Variants in STIM2 observed in about 807,000 individuals in gnomAD.
The protein encoded by STIM2 is stromal interaction molecule 2.
A neutral mutation model predicts 85.8 loss-of-function variants in STIM2; 31 were observed. The observed-to-expected ratio is 0.36, with a 90% CI of 0.27 to 0.49. The LOEUF is 0.49. Among genes scored for constraint, STIM2 ranks in the 20% least tolerant of loss-of-function variants. The pLI is 0.98. For synonymous variants in STIM2, 356 were observed against 331.1 expected (o/e 1.08, Z -0.82); for missense variants, 841 against 927.6 (o/e 0.91, Z 1.21).
intron 4 of STIM2, among the ~76,000 whole-genome samples, chr4:26,998,589 G>A (rs1728040181): frequency 6.6e-6 from 1 of 152,092 alleles, no homozygotes. Flanking sequence ...AGGATAATAA[G>A]TGACAGAAGT....
intron 3 of STIM2, among the ~76,000 whole-genome samples, chr4:26,961,010 G>A (rs1245927349): frequency 6.3e-5 from 9 of 142,014 alleles, no homozygotes; most frequent in Non-Finnish European, 1.2e-4. Flanking sequence ...ACTGCACTCC[G>A]TCTCAAAAAA....
At chr4:26,889,138 T>C (rs1723369122) in intron 1 of STIM2, among the ~76,000 whole-genome samples, 1 of 152,250 alleles carries the variant, frequency 6.6e-6, no homozygotes, top group South Asian at 2.1e-4. Flanking sequence ...GCCCCACTCT[T>C]ATTTCTCTCT....
chr4:26,993,447 T>A (rs1727837478), intron 3 of STIM2, among the ~76,000 whole-genome samples: 1 of 152,174 alleles, frequency 6.6e-6, no homozygotes, highest in Non-Finnish European at 1.5e-5. Flanking sequence ...TTAAGCTTTT[T>A]CTCTAAAGAA....
intron 3 of STIM2, 142 bp from the exon 4 acceptor site, chr4:26,995,237 G>T (rs1727911679): frequency 5.0e-6 from 2 of 399,446 alleles, no homozygotes; most frequent in South Asian, 1.7e-4. Flanking sequence ...TCTTCTCATA[G>T]AGTGCTAGAT....
chr4:26,892,667 G>A (rs1392764791), intron 1 of STIM2, among the ~76,000 whole-genome samples: 1 of 152,064 alleles, frequency 6.6e-6, no homozygotes, highest in Non-Finnish European at 1.5e-5. Flanking sequence ...ATTAGCATAA[G>A]GTCATGAATA....
chr4:27,009,045 A>G, intron 10 of STIM2, 43 bp downstream of exon 10: 1 of 1,558,740 alleles, frequency 6.4e-7, no homozygotes, highest in South Asian at 1.1e-5. Context: ...CAGGTTTTAA[A>G]GTAATTTTCT....
intron 1 of STIM2, chr4:26,873,682 A>G: frequency 1.3e-6 from 1 of 759,314 alleles, no homozygotes; most frequent in Admixed American, 1.8e-5. Context: ...CTCTTCTGCC[A>G]TAATGGCTTC....
At chr4:27,006,095 A>G (rs903160824) in intron 7 of STIM2, among the ~76,000 whole-genome samples, 12 of 152,158 alleles carry the variant, frequency 7.9e-5, no homozygotes, top group Non-Finnish European at 1.8e-4. Context: ...TAAACACAGT[A>G]TTGTCCCAAG....
chr4:27,001,973 C>T (rs1394532932), intron 5 of STIM2, among the ~76,000 whole-genome samples: 1 of 152,152 alleles, frequency 6.6e-6, no homozygotes. Context: ...CCTTCTCCCA[C>T]CAGCAGGGGC....
At chr4:26,966,982 CTT>C (rs1436995416) in intron 3 of STIM2, among the ~76,000 whole-genome samples, 1 of 152,162 alleles carries the variant, frequency 6.6e-6, no homozygotes, top group African/African-American at 2.4e-5. Context: ...TTCTCCCTCT[CTT>C]TGCATCGACA....
At chr4:26,960,469 A>G (rs960394249) in intron 3 of STIM2, among the ~76,000 whole-genome samples, 1 of 152,188 alleles carries the variant, frequency 6.6e-6, no homozygotes, top group African/African-American at 2.4e-5. Context: ...TGTGTCTCCC[A>G]TGCCTAGCAC....
chr4:26,900,443 T>C (rs1723876594), intron 1 of STIM2, among the ~76,000 whole-genome samples: 1 of 152,192 alleles, frequency 6.6e-6, no homozygotes, highest in South Asian at 2.1e-4. Flanking sequence ...AAAGTAATTA[T>C]TGAATTTTTT....
rs1728949518 is a variant in STIM2 at position 27,022,614 on chromosome 4, T to C, written c.1859T>C (p.Leu620Ser). Residue 620 changes from leucine (L) to serine (S), a missense_variant, in exon 12 of 12, where the codon TTA (leucine) becomes TCA (serine). Physicochemically the swap from Leu to Ser is moderately radical, Grantham distance 145 (BLOSUM62 -2). Around this residue, in one of 3 missense-constraint regions of STIM2, gnomAD observed 293 missense variants for 284.5 expected, o/e 1.03. Coordinates refer to ENST00000467087, the MANE Select transcript of STIM2 (RefSeq NM_020860.4). ...TTAAGCCTCGAGATATACCAAACAT[T>C]ATCTCCGCGAAAGATATCAAGAGAT... 1.2e-6 allele frequency: 2 copies of C among 1,614,022 alleles called. No individual in the cohort carries two copies. The highest frequency in any genetic ancestry group is 2.2e-5 in the East Asian group (1 of 44,894).
chr4:26,993,066 C>A (rs1255102057), intron 3 of STIM2, among the ~76,000 whole-genome samples: 1 of 152,076 alleles, frequency 6.6e-6, no homozygotes, highest in African/African-American at 2.4e-5. Flanking sequence ...CACTGTTGAA[C>A]AGTCATAGAG....
At chr4:26,863,426 A>G (rs571609580) in intron 1 of STIM2, among the ~76,000 whole-genome samples, 40 of 152,290 alleles carry the variant, frequency 2.6e-4, no homozygotes, top group African/African-American at 9.1e-4. Flanking sequence ...AATACAGTCA[A>G]TAGCACCCAT....
intron 1 of STIM2, among the ~76,000 whole-genome samples, chr4:26,911,668 A>G (rs999643140): frequency 6.6e-6 from 1 of 152,300 alleles, no homozygotes; most frequent in East Asian, 1.9e-4. Context: ...AGCATTTGGT[A>G]TATCTAGTCC....
intron 1 of STIM2, among the ~76,000 whole-genome samples, chr4:26,896,487 G>T (rs1439339049): frequency 6.6e-6 from 1 of 152,156 alleles, no homozygotes. Flanking sequence ...ATCCATACAT[G>T]AAAATTTCGT....
intron 1 of STIM2, among the ~76,000 whole-genome samples, chr4:26,885,821 T>TTTTATATA (rs1723196472): frequency 1.2e-5 from 1 of 84,632 alleles, no homozygotes; most frequent in Non-Finnish European, 2.7e-5. Flanking sequence ...GCACCTCAGG[T>TTTTATATA]TATATATATA....
intron 1 of STIM2, among the ~76,000 whole-genome samples, chr4:26,903,130 T>C (rs1412083112): frequency 6.6e-6 from 1 of 151,876 alleles, no homozygotes; most frequent in Admixed American, 6.6e-5. Flanking sequence ...TGTAAAAAAG[T>C]TTTTTTTGGC....
Sources: gnomAD v4.1 joint callset for allele counts (sites outside exome capture counted in the v4.1 genomes callset) on GRCh38, gnomAD v4.1.1 for gene constraint, gnomAD v4.1.1 regional missense constraint, MANE v1.5 for transcripts, NCBI Gene and HGNC (gene_info 2026-07-23, HGNC 2026-07-21) for gene names.